Variants in TENT4B observed in about 807,000 individuals in gnomAD.
TENT4B encodes terminal nucleotidyltransferase 4B.
A neutral mutation model predicts 75.0 loss-of-function variants in TENT4B; 10 were observed. The observed-to-expected ratio is 0.13, with a 90% CI of 0.08 to 0.23. The LOEUF is 0.23. TENT4B is among the 10% of genes least tolerant of loss of function. TENT4B has a pLI of 1.00. For missense variants in TENT4B, 579 were observed against 893.8 expected (o/e 0.65, Z 4.49); for synonymous variants, 350 against 357.7 (o/e 0.98, Z 0.24).
chr16:50,170,340 C>T (rs2038182093), intron 1 of TENT4B, among the ~76,000 whole-genome samples: 1 of 152,090 alleles, frequency 6.6e-6, no homozygotes, highest in African/African-American at 2.4e-5. Flanking sequence ...ATATTCTTAA[C>T]CTTCATGTGA....
intron 5 of TENT4B, among the ~76,000 whole-genome samples, chr16:50,219,979 T>C (rs1402502654): frequency 1.1e-5 from 1 of 94,164 alleles, no homozygotes; most frequent in African/African-American, 4.4e-5. Flanking sequence ...CACACCTGGC[T>C]AACTTTTTTT....
Position 50,234,213 on chromosome 16 carries a change from G to A in TENT4B, c.*4885G>A, listed in dbSNP as rs776477311. 247 of 985,540 alleles carry A rather than the reference G, an allele frequency of 2.5e-4. No homozygotes were observed. Among genetic ancestry groups the A allele is most frequent in the Non-Finnish European group, 2.9e-4 (243 of 830,110 alleles). 61.0% of individuals were successfully genotyped at this position (985,540 alleles called of 1,614,324 possible). A position where few individuals can be genotyped will look rare whatever the true frequency, so the allele number is the denominator to read the frequency against. On this transcript the variant is annotated 3_prime_UTR_variant, in exon 12 of 12. Coordinates refer to ENST00000561678, the MANE Select transcript of TENT4B (RefSeq NM_001365324.3). ...TCACGCCTGTAATCCCAGCACTTTG[G>A]GAGGCCGAAGCGGGAGGATGGCTTG...
intron 6 of TENT4B, 116 bp from the exon 7 acceptor site, chr16:50,223,058 C>G: frequency 1.2e-6 from 1 of 802,798 alleles, no homozygotes; most frequent in Non-Finnish European, 2.0e-6. Context: ...CAACTGACTG[C>G]TATGCTAAAC....
At chr16:50,202,966 A>T (rs1256131387) in intron 1 of TENT4B, among the ~76,000 whole-genome samples, 1 of 152,256 alleles carries the variant, frequency 6.6e-6, no homozygotes, top group Non-Finnish European at 1.5e-5. Context: ...GGCATTTAAA[A>T]GGAATGCTCT....
rs574578399 is a variant in TENT4B at position 50,205,791 on chromosome 16, A to G, written c.639-5532A>G. Among the ~76,000 whole-genome samples, 550 of 151,512 alleles carry G rather than the reference A, an allele frequency of 3.6e-3. 3 individuals carry two copies. The highest frequency in any genetic ancestry group is 6.9e-3 in the Middle Eastern group (2 of 290). On this transcript the variant is annotated intron_variant, in intron 1 of 11. Coordinates refer to ENST00000561678, the MANE Select transcript of TENT4B (RefSeq NM_001365324.3). The stretch of plus-strand genomic sequence containing the variant: ...TTTTTAGTAGAGATGGGGTTTCGCC[A>G]TGTTGGCCAGGCTGGTCTGAAACTC...
Position 50,230,122 on chromosome 16 carries a change from A to T in TENT4B, c.*794A>T. 1 of 872,064 alleles carries T rather than the reference A, an allele frequency of 1.1e-6. No individual in the cohort carries two copies. Among genetic ancestry groups the T allele is most frequent in the Non-Finnish European group, 1.4e-6 (1 of 729,022 alleles). The allele number at this position is 872,064 out of a possible 1,614,324, so 54.0% of individuals were successfully genotyped here. ...CAAATGATGTTTATTTTATTTTGTA[A>T]AAAAAAAAAAATGTACTATGTACTT... On this transcript the variant is annotated 3_prime_UTR_variant, in exon 12 of 12. Transcript: ENST00000561678.
At chr16:50,218,924 AT>A (rs957298685) in intron 5 of TENT4B, among the ~76,000 whole-genome samples, 15 of 147,988 alleles carry the variant, frequency 1.0e-4, no homozygotes, top group East Asian at 3.9e-4. Flanking sequence ...AATATTCACA[AT>A]TTTTTTTTTC....
intron 5 of TENT4B, among the ~76,000 whole-genome samples, chr16:50,221,805 C>T (rs980503816): frequency 4.0e-5 from 6 of 151,706 alleles, no homozygotes; most frequent in Admixed American, 1.3e-4. Context: ...GCTCTGTCAC[C>T]CAGGCTGGGG....
At chr16:50,185,655 C>T (rs1038662774) in intron 1 of TENT4B, among the ~76,000 whole-genome samples, 1 of 152,124 alleles carries the variant, frequency 6.6e-6, no homozygotes, top group East Asian at 1.9e-4. Context: ...TGCAGAGTAA[C>T]GTATCGAAGC....
At chr16:50,222,860 G>C (rs1378868041) in intron 6 of TENT4B, among the ~76,000 whole-genome samples, 1 of 152,128 alleles carries the variant, frequency 6.6e-6, no homozygotes, top group Non-Finnish European at 1.5e-5. Flanking sequence ...TGTGGCACAG[G>C]GTTGCCAACT....
At position 50,159,080 on chromosome 16, in the gene TENT4B, G is replaced by A. The variant is rs182290900; in HGVS notation, c.638+4821G>A. On this transcript the variant is annotated intron_variant, in intron 1 of 11. Transcript: ENST00000561678. ...CTGAGATGTAGTGCTCTTCACTGCC[G>A]TAGGGCAGTATCCTCTTGTATGTGC... Among the ~76,000 whole-genome samples the A allele has an allele frequency of 1.6e-3, 242 of 152,252 alleles. 2 individuals are homozygous for A. The highest frequency in any genetic ancestry group is 3.9e-3 in the African/African-American group (161 of 41,556).
At chr16:50,195,299 A>G (rs1050020835) in intron 1 of TENT4B, among the ~76,000 whole-genome samples, 4 of 152,214 alleles carry the variant, frequency 2.6e-5, no homozygotes, top group African/African-American at 9.6e-5. Flanking sequence ...AAGCACAGCT[A>G]AGGAAATGTG....
chr16:50,180,325 G>A (rs760931192), intron 1 of TENT4B, among the ~76,000 whole-genome samples: 5 of 152,060 alleles, frequency 3.3e-5, no homozygotes, highest in Admixed American at 6.5e-5. Flanking sequence ...GGTTGGTCTC[G>A]AACTCCTAAC....
rs771838573 is a variant in TENT4B, at chr16:50,162,186, G to A, written c.638+7927G>A. The stretch of plus-strand genomic sequence containing the variant: ...ATAGTATGGCTGAACCACACAATTT[G>A]TTTAACCATTTACTTATTGAAGGAC... On this transcript the variant is annotated intron_variant, in intron 1 of 11. Coordinates refer to ENST00000561678, the MANE Select transcript of TENT4B (RefSeq NM_001365324.3). 4.1e-4 allele frequency among the ~76,000 whole-genome samples: 62 copies of A among 152,014 alleles called. 1 individual carries two copies. The highest frequency in any genetic ancestry group is 6.6e-4 in the Non-Finnish European group (45 of 67,992).
chr16:50,169,424 A>G (rs957479763), intron 1 of TENT4B, among the ~76,000 whole-genome samples: 2 of 127,902 alleles, frequency 1.6e-5, no homozygotes, highest in African/African-American at 6.1e-5. Flanking sequence ...GCAAAAATGC[A>G]TCATAAATGG....
chr16:50,187,989 G>C (rs568656587), intron 1 of TENT4B, among the ~76,000 whole-genome samples: 1 of 152,256 alleles, frequency 6.6e-6, no homozygotes, highest in East Asian at 1.9e-4. Flanking sequence ...GGCTGGTCTT[G>C]AACTCCTGGG....
In TENT4B at chr16:50,153,595, G is replaced by T; in HGVS notation, c.-27G>T. On this transcript the variant is annotated 5_prime_UTR_variant, in exon 1 of 12. Coordinates refer to ENST00000561678, the MANE Select transcript of TENT4B (RefSeq NM_001365324.3). ...GGCGGCCCTGCGGGCGGCCGGGAGG[G>T]GCGGGGGCAGCGGCCGCCGCCGTTT... 1.0e-6 allele frequency: 1 copy of T among 977,984 alleles called. No homozygotes were observed. Among genetic ancestry groups the T allele is most frequent in the Non-Finnish European group, 1.2e-6 (1 of 827,078 alleles). 60.6% of individuals were successfully genotyped at this position (977,984 alleles called of 1,614,324 possible). A position where few individuals can be genotyped will look rare whatever the true frequency, so the allele number is the denominator to read the frequency against.
At chr16:50,228,920 G>A (rs780741756) in intron 11 of TENT4B, among the ~76,000 whole-genome samples, 6 of 152,132 alleles carry the variant, frequency 3.9e-5, no homozygotes, top group East Asian at 3.9e-4. Flanking sequence ...TTAAGAAGGC[G>A]GGCGAGTGGT....
intron 3 of TENT4B, among the ~76,000 whole-genome samples, chr16:50,214,748 C>T (rs748808080): frequency 6.6e-6 from 1 of 152,162 alleles, no homozygotes; most frequent in South Asian, 2.1e-4. Context: ...CTTACCAAGA[C>T]ATAGATGGTA....
Sources: gnomAD v4.1 joint callset for allele counts (sites outside exome capture counted in the v4.1 genomes callset) on GRCh38, gnomAD v4.1.1 for gene constraint, MANE v1.5 for transcripts, NCBI Gene and HGNC (gene_info 2026-07-23, HGNC 2026-07-21) for gene names.